TPST1: variants seen among roughly 807,000 people sequenced by gnomAD.
The protein encoded by TPST1 is tyrosylprotein sulfotransferase 1.
A neutral mutation model predicts 34.8 loss-of-function variants in TPST1; 20 were observed. The observed-to-expected ratio is 0.57, with a 90% CI of 0.40 to 0.84. The LOEUF (loss-of-function observed/expected upper bound fraction) is 0.84, where lower values mean the gene tolerates loss of function less well. Among genes scored for constraint, TPST1 ranks in the 40% least tolerant of loss-of-function variants. The probability of loss-of-function intolerance (pLI) is 0.00; values close to 1 mark genes in which losing one functional copy is unlikely to be tolerated. For missense variants in TPST1, 353 were observed against 455.5 expected (o/e 0.78, Z 2.05); for synonymous variants, 152 against 159.4 (o/e 0.95, Z 0.35).
chr7:66,276,869 T>C (rs1790829361), intron 2 of TPST1, among the ~76,000 whole-genome samples: 1 of 152,226 alleles, frequency 6.6e-6, no homozygotes, highest in Non-Finnish European at 1.5e-5. Context: ...CAACTCTTTA[T>C]GGTATTTGAC....
intron 3 of TPST1, among the ~76,000 whole-genome samples, chr7:66,308,651 T>C (rs1424773972): frequency 6.6e-6 from 1 of 152,222 alleles, no homozygotes; most frequent in African/African-American, 2.4e-5. Flanking sequence ...CAGAGATCTT[T>C]TCATCCTTCC....
intron 2 of TPST1, among the ~76,000 whole-genome samples, chr7:66,246,532 A>T (rs1440155165): frequency 6.6e-6 from 1 of 152,244 alleles, no homozygotes; most frequent in African/African-American, 2.4e-5. Context: ...ATAAGGCAAC[A>T]TTTGTACTTT....
chr7:66,246,931 C>A (rs1790161776), intron 2 of TPST1, among the ~76,000 whole-genome samples: 1 of 152,172 alleles, frequency 6.6e-6, no homozygotes, highest in African/African-American at 2.4e-5. Context: ...TAAGAAAAAT[C>A]AATTGGATAT....
In TPST1 at chr7:66,256,671, A is replaced by G. The variant is rs532015666; in HGVS notation, c.845+15401A>G. On this transcript the variant is annotated intron_variant, in intron 2 of 5. Coordinates refer to ENST00000304842, the MANE Select transcript of TPST1 (RefSeq NM_003596.4). ...AGTGACATCCTATCACTTTTGCCAT[A>G]TTCATGAGAATCAAATTCCTAGGCC... Among the ~76,000 whole-genome samples, 8 of 152,316 alleles carry G rather than the reference A, an allele frequency of 5.3e-5. No individual in the cohort carries two copies. In the South Asian group the frequency reaches 1.7e-3, roughly 32 times the overall value.
chr7:66,246,507 C>T (rs1790153314), intron 2 of TPST1, among the ~76,000 whole-genome samples: 4 of 151,986 alleles, frequency 2.6e-5, no homozygotes, highest in Admixed American at 2.6e-4. Context: ...AGAAGCAGAA[C>T]CAGAACATGA....
intron 1 of TPST1, among the ~76,000 whole-genome samples, chr7:66,227,955 A>G (rs1458591880): frequency 2.0e-5 from 3 of 152,184 alleles, no homozygotes; most frequent in Non-Finnish European, 2.9e-5. Flanking sequence ...GCAAATAATA[A>G]TGGAGAATCA....
chr7:66,253,864 G>A (rs6964530), intron 2 of TPST1, among the ~76,000 whole-genome samples: 5 of 151,416 alleles, frequency 3.3e-5, no homozygotes, highest in Non-Finnish European at 7.4e-5. Flanking sequence ...ACGGTGAAAC[G>A]CCATCATTAC....
chr7:66,244,791 A>T (rs1790114231), intron 2 of TPST1, among the ~76,000 whole-genome samples: 1 of 152,276 alleles, frequency 6.6e-6, no homozygotes, highest in Admixed American at 6.5e-5. Flanking sequence ...TTAATGTAAC[A>T]GTGACGCTTA....
intron 3 of TPST1, among the ~76,000 whole-genome samples, chr7:66,295,040 T>G (rs1039790532): frequency 6.6e-6 from 1 of 152,228 alleles, no homozygotes; most frequent in Admixed American, 6.5e-5. Context: ...TTTACCATTT[T>G]GTTGTTTACC....
intron 3 of TPST1, among the ~76,000 whole-genome samples, chr7:66,314,860 G>A (rs571558471): frequency 6.6e-6 from 1 of 152,258 alleles, no homozygotes; most frequent in East Asian, 1.9e-4. Context: ...AATCTTATGG[G>A]ACCACTGTCA....
At chr7:66,209,407 C>G (rs1157608245) in intron 1 of TPST1, among the ~76,000 whole-genome samples, 1 of 152,182 alleles carries the variant, frequency 6.6e-6, no homozygotes, top group Non-Finnish European at 1.5e-5. Context: ...TGTCCTAACA[C>G]ATAATCCTGA....
chr7:66,216,523 G>A (rs1486007728), intron 1 of TPST1, among the ~76,000 whole-genome samples: 2 of 150,928 alleles, frequency 1.3e-5, no homozygotes, highest in South Asian at 2.1e-4. Context: ...AGGCTGGAGT[G>A]TAGTGGCGCG....
At chr7:66,279,543 C>T (rs1344601509) in intron 2 of TPST1, among the ~76,000 whole-genome samples, 1 of 152,206 alleles carries the variant, frequency 6.6e-6, no homozygotes, top group Non-Finnish European at 1.5e-5. Context: ...TTCCCACCAG[C>T]AGATATAAGC....
At chr7:66,286,750 T>G in intron 3 of TPST1, 41 bp downstream of exon 3, 1 of 1,410,858 alleles carries the variant, frequency 7.1e-7, no homozygotes, top group Non-Finnish European at 9.4e-7. Flanking sequence ...AACTAGATTT[T>G]GAATTTGGGA....
chr7:66,302,019 A>G (rs1672318333), intron 3 of TPST1, among the ~76,000 whole-genome samples: 1 of 152,214 alleles, frequency 6.6e-6, no homozygotes, highest in African/African-American at 2.4e-5. Context: ...GCTTCTTCAC[A>G]TGTCTTAGAA....
At chr7:66,241,974 G>A (rs1052501832) in intron 2 of TPST1, among the ~76,000 whole-genome samples, 8 of 152,124 alleles carry the variant, frequency 5.3e-5, no homozygotes, top group Non-Finnish European at 1.2e-4. Context: ...TTTACAAAAG[G>A]CTAGAGAATC....
chr7:66,318,074 G>A (rs1001881960), intron 3 of TPST1, among the ~76,000 whole-genome samples: 1 of 152,170 alleles, frequency 6.6e-6, no homozygotes, highest in East Asian at 1.9e-4. Flanking sequence ...CAGGAGAATC[G>A]CTTGAACCTG....
chr7:66,339,169 A>T (rs1395531198), intron 3 of TPST1, among the ~76,000 whole-genome samples: 1 of 152,090 alleles, frequency 6.6e-6, no homozygotes, highest in Non-Finnish European at 1.5e-5. Flanking sequence ...AAAATGGGAC[A>T]TTGTAAGTGA....
At chr7:66,271,019 A>G (rs1397411430) in intron 2 of TPST1, among the ~76,000 whole-genome samples, 1 of 152,228 alleles carries the variant, frequency 6.6e-6, no homozygotes, top group African/African-American at 2.4e-5. Flanking sequence ...TTCATATACA[A>G]AAAGCATAAT....
Sources: gnomAD v4.1 joint callset for allele counts (sites outside exome capture counted in the v4.1 genomes callset) on GRCh38, gnomAD v4.1.1 for gene constraint, MANE v1.5 for transcripts, NCBI Gene and HGNC (gene_info 2026-07-23, HGNC 2026-07-21) for gene names.